Variants in GPR39 observed in about 807,000 individuals in gnomAD.
The protein encoded by GPR39 is G protein-coupled receptor 39, also known as zinc sensing receptor.
Under a neutral mutation model 18.4 loss-of-function variants are expected in GPR39, and 23 were observed. The observed-to-expected ratio is 1.25, with a 90% CI of 0.90 to 1.77. GPR39 has a LOEUF of 1.77. GPR39 is among the 40% of genes most tolerant of loss of function. GPR39 has a pLI of 0.00. For synonymous variants in GPR39, 280 were observed against 257.9 expected (o/e 1.09, Z -0.82); for missense variants, 647 against 602.4 (o/e 1.07, Z -0.78).
intron 1 of GPR39, among the ~76,000 whole-genome samples, chr2:132,601,690 A>G (rs938250958): frequency 2.6e-5 from 4 of 152,178 alleles, no homozygotes; most frequent in African/African-American, 9.6e-5. Flanking sequence ...GACTTCACCA[A>G]AAAACTTAGA....
At chr2:132,616,576 G>A (rs1436074752) in intron 1 of GPR39, among the ~76,000 whole-genome samples, 2 of 152,162 alleles carry the variant, frequency 1.3e-5, no homozygotes, top group South Asian at 2.1e-4. Context: ...TTGACCTTCT[G>A]CAGAATAAAA....
Position 132,416,844 on chromosome 2 carries a change from G to GC in GPR39, c.-197dup. ...ACCTCAACACCCAGGCGCCTCCTGG[G>GC]CCTCTCCTAGGTTGGGCTGCTCCAG... On this transcript the variant is annotated 5_prime_UTR_variant, in exon 1 of 2. Transcript: ENST00000329321. 1.5e-6 allele frequency: 1 copy of GC among 672,230 alleles called. No homozygotes were observed. Among genetic ancestry groups the GC allele is most frequent in the East Asian group, 2.7e-5 (1 of 36,864 alleles). 41.6% of individuals were successfully genotyped at this position (672,230 alleles called of 1,614,324 possible).
intron 1 of GPR39, among the ~76,000 whole-genome samples, chr2:132,571,081 T>G (rs2104814620): frequency 6.6e-6 from 1 of 152,326 alleles, no homozygotes; most frequent in South Asian, 2.1e-4. Context: ...CAAATAGTAT[T>G]AACTAGGTAC....
chr2:132,643,182 T>C (rs897793488), intron 1 of GPR39, among the ~76,000 whole-genome samples: 2 of 152,250 alleles, frequency 1.3e-5, no homozygotes, highest in Non-Finnish European at 2.9e-5. Flanking sequence ...TGAATTAAGA[T>C]GGTATTTTTT....
At chr2:132,627,032 G>A (rs1161267901) in intron 1 of GPR39, among the ~76,000 whole-genome samples, 1 of 152,212 alleles carries the variant, frequency 6.6e-6, no homozygotes, top group Non-Finnish European at 1.5e-5. Flanking sequence ...TGTTGGGGAT[G>A]TCATGGCCAC....
chr2:132,534,380 C>T (rs1415500750), intron 1 of GPR39, among the ~76,000 whole-genome samples: 1 of 149,612 alleles, frequency 6.7e-6, no homozygotes, highest in Non-Finnish European at 1.5e-5. Context: ...AACACTTTTA[C>T]ACTGTTGATG....
chr2:132,550,038 A>C (rs1359939601), intron 1 of GPR39, among the ~76,000 whole-genome samples: 1 of 152,080 alleles, frequency 6.6e-6, no homozygotes, highest in Non-Finnish European at 1.5e-5. Flanking sequence ...CTGAAAGCCC[A>C]CCGAATTATT....
intron 1 of GPR39, among the ~76,000 whole-genome samples, chr2:132,508,015 G>A (rs1222485554): frequency 1.3e-5 from 2 of 152,116 alleles, no homozygotes. Flanking sequence ...TCAATCTCTA[G>A]CCCCAAAATC....
intron 1 of GPR39, among the ~76,000 whole-genome samples, chr2:132,532,797 C>T (rs757404647): frequency 6.8e-6 from 1 of 146,896 alleles, no homozygotes; most frequent in African/African-American, 2.6e-5. Flanking sequence ...ATTCAACAAC[C>T]CTTCATGCTA....
intron 1 of GPR39, among the ~76,000 whole-genome samples, chr2:132,468,286 G>T (rs905838753): frequency 7.2e-5 from 11 of 152,178 alleles, no homozygotes; most frequent in Admixed American, 7.2e-4. Flanking sequence ...ACCAGGAAAA[G>T]AAACAACTAT....
At chr2:132,433,512 C>T (rs1346788398) in intron 1 of GPR39, among the ~76,000 whole-genome samples, 1 of 151,940 alleles carries the variant, frequency 6.6e-6, no homozygotes, top group Non-Finnish European at 1.5e-5. Flanking sequence ...CCTTGACTAA[C>T]ATCATGGGAC....
intron 1 of GPR39, among the ~76,000 whole-genome samples, chr2:132,617,449 A>C (rs1363853794): frequency 1.3e-5 from 2 of 152,186 alleles, no homozygotes; most frequent in African/African-American, 4.8e-5. Context: ...AGTCATTGTG[A>C]AAAGTTAAAG....
intron 1 of GPR39, among the ~76,000 whole-genome samples, chr2:132,603,695 T>C (rs1558855532): frequency 6.6e-6 from 1 of 152,044 alleles, no homozygotes. Flanking sequence ...TCACAAAGGG[T>C]GTACATTTGT....
intron 1 of GPR39, among the ~76,000 whole-genome samples, chr2:132,496,022 C>T (rs748267009): frequency 3.3e-5 from 5 of 152,130 alleles, no homozygotes; most frequent in Non-Finnish European, 7.4e-5. Flanking sequence ...TCTTAATGAG[C>T]CATTTCAGCA....
At chr2:132,436,576 C>T (rs541676059) in intron 1 of GPR39, among the ~76,000 whole-genome samples, 1 of 152,300 alleles carries the variant, frequency 6.6e-6, no homozygotes, top group South Asian at 2.1e-4. Flanking sequence ...TCACACTTGT[C>T]TGTGAGGTGC....
chr2:132,542,415 C>T (rs1679877208), intron 1 of GPR39, among the ~76,000 whole-genome samples: 1 of 152,358 alleles, frequency 6.6e-6, no homozygotes, highest in South Asian at 2.1e-4. Context: ...TTTAACTTCT[C>T]TGAGCCTTGG....
intron 1 of GPR39, among the ~76,000 whole-genome samples, chr2:132,612,915 C>T (rs1175516831): frequency 1.3e-5 from 2 of 152,092 alleles, no homozygotes; most frequent in African/African-American, 2.4e-5. Flanking sequence ...TTTGTAACCT[C>T]GAGTTTCCTA....
At chr2:132,587,612 A>G (rs1406490526) in intron 1 of GPR39, among the ~76,000 whole-genome samples, 2 of 151,942 alleles carry the variant, frequency 1.3e-5, no homozygotes, top group Non-Finnish European at 2.9e-5. Context: ...GCTCACTGCA[A>G]CCTCTGCCTC....
chr2:132,626,116 A>C (rs1681541261), intron 1 of GPR39, among the ~76,000 whole-genome samples: 2 of 152,042 alleles, frequency 1.3e-5, no homozygotes, highest in South Asian at 4.1e-4. Flanking sequence ...AAAAAACAAA[A>C]AACTAAAAAA....
Sources: gnomAD v4.1 joint callset for allele counts (sites outside exome capture counted in the v4.1 genomes callset) on GRCh38, gnomAD v4.1.1 for gene constraint, MANE v1.5 for transcripts, NCBI Gene and HGNC (gene_info 2026-07-23, HGNC 2026-07-21) for gene names.